NACC2: variants seen among roughly 807,000 people sequenced by gnomAD.
NACC2 encodes NACC family member 2.
A neutral mutation model predicts 25.1 loss-of-function variants in NACC2; 8 were observed. The ratio of observed to expected loss-of-function variants is 0.32; its 90% confidence interval spans 0.19 to 0.57. The LOEUF is 0.57. Ranked by LOEUF, NACC2 falls within the 20% of genes least tolerant of loss-of-function variation. The pLI, the probability that NACC2 is intolerant of heterozygous loss-of-function variation, is 0.89. For missense variants in NACC2, 644 were observed against 650.2 expected (o/e 0.99, Z 0.10); for synonymous variants, 435 against 294.7 (o/e 1.48, Z -4.88).
chr9:136,016,066 G>C (rs956570817), intron 3 of NACC2, among the ~76,000 whole-genome samples, 199 bp downstream of exon 3: 3 of 152,190 alleles, frequency 2.0e-5, no homozygotes, highest in Non-Finnish European at 4.4e-5. Context: ...CAGCCCAGGG[G>C]ATTCAATTAA....
At position 136,033,022 on chromosome 9, in the gene NACC2, A is replaced by C. The variant is rs144964330; in HGVS notation, c.887-16593T>G. 2.0e-4 allele frequency among the ~76,000 whole-genome samples: 31 copies of C among 152,064 alleles called. No homozygotes were observed. The East Asian group carries it at 6.0e-3, about 29-fold the overall frequency. On this transcript the variant is annotated intron_variant, in intron 2 of 5. Coordinates refer to ENST00000277554, the MANE Select transcript of NACC2 (RefSeq NM_144653.5). ...AACAGAGCAAGATTCCATCTCAAAAAAAAATAAGTTGGGCATGGTGGCACA... is the reference window on the plus strand; with the variant it reads ...AACAGAGCAAGATTCCATCTCAAAACAAAATAAGTTGGGCATGGTGGCACA...
rs1840131310 is a variant in NACC2, at chr9:136,012,717, G to C, written c.1255+482C>G. ...ACAAGATAGTGCTTCTTGGGCCGAG[G>C]GCCACAGGAGGCTGTGCTCTTGGCC... is the stretch of plus-strand genomic sequence containing the variant. On this transcript the variant is annotated intron_variant, in intron 5 of 5. Coordinates refer to ENST00000277554, the MANE Select transcript of NACC2 (RefSeq NM_144653.5). 4.0e-5 allele frequency among the ~76,000 whole-genome samples: 6 copies of C among 150,622 alleles called. No individual in the cohort carries two copies. The South Asian group carries it at 1.3e-3, about 32-fold the overall frequency.
chr9:136,093,649 C>T (rs1477769712), intron 1 of NACC2, among the ~76,000 whole-genome samples: 1 of 152,254 alleles, frequency 6.6e-6, no homozygotes, highest in Non-Finnish European at 1.5e-5. Context: ...TGGGTGGCAG[C>T]TCCTTTTATT....
intron 2 of NACC2, among the ~76,000 whole-genome samples, chr9:136,043,404 T>A (rs1375800844): frequency 6.6e-6 from 1 of 152,246 alleles, no homozygotes; most frequent in Non-Finnish European, 1.5e-5. Context: ...TACAATGGGA[T>A]GTCACTGATA....
rs1018763417 is a variant in NACC2 at position 136,086,447 on chromosome 9, G to A, written c.-60+8742C>T. On this transcript the variant is annotated intron_variant, in intron 1 of 5. Transcript: ENST00000277554. This position sits in a 1 kb window ranked among gnomAD's most constrained non-coding sequence, Gnocchi z 5.6. ...CTGGCTCTTGAGGTCCCAGGTCTGC[G>A]AGCGGCTGGGCTTCCCTGAGGTCTG... Among the ~76,000 whole-genome samples, 2 of 152,118 alleles carry A rather than the reference G, an allele frequency of 1.3e-5. No individual in the cohort carries two copies. The highest frequency in any genetic ancestry group is 1.5e-5 in the Non-Finnish European group (1 of 67,998).
chr9:136,071,940 T>C (rs1016815811), intron 1 of NACC2, among the ~76,000 whole-genome samples: 3 of 151,976 alleles, frequency 2.0e-5, no homozygotes, highest in Non-Finnish European at 4.4e-5. Flanking sequence ...TCACACCCCA[T>C]TCAAAATTAC....
Position 136,050,207 on chromosome 9 carries a change from G to A in NACC2, c.315C>T (p.Gly105=). 2.6e-6 allele frequency: 2 copies of A among 772,204 alleles called. No homozygotes were observed. The highest frequency in any genetic ancestry group is 2.4e-5 in the East Asian group (1 of 40,930). 47.8% of individuals were successfully genotyped at this position (772,204 alleles called of 1,614,324 possible). A position where few individuals can be genotyped will look rare whatever the true frequency, so the allele number is the denominator to read the frequency against. ...CCACGATGTGCTGGATCTGCAGGAA[G>A]CCGGCCGTGTACATGACCACGAGCT... The part of the protein sequence containing the change: ...SEQLVVMYTA[G]FLQIQHIVER... Residue 105 remains glycine (G), a synonymous_variant, in exon 2 of 6, where the codon GGC becomes GGT. Transcript: ENST00000277554.
rs139550655 is a variant in NACC2 at position 136,030,920 on chromosome 9, C to T, written c.887-14491G>A. On this transcript the variant is annotated intron_variant, in intron 2 of 5. Transcript: ENST00000277554. ...TCAAGTGATCTGCCCACCTCAGCCT[C>T]GCAGTGCTGGGATTACAGGAGTGAA... 7.1e-3 allele frequency among the ~76,000 whole-genome samples: 1,083 copies of T among 152,218 alleles called. 7 individuals are homozygous for T. The highest frequency in any genetic ancestry group is 0.02 in the Middle Eastern group (6 of 294).
At chr9:136,094,372 G>A (rs956689866) in intron 1 of NACC2, among the ~76,000 whole-genome samples, 11 of 152,178 alleles carry the variant, frequency 7.2e-5, no homozygotes, top group African/African-American at 2.7e-4. Context: ...CCCAGAGCCT[G>A]GCAGAGGGGC....
In NACC2 at chr9:136,022,091, T is replaced by G. The variant is rs956815161; in HGVS notation, c.887-5662A>C. Among the ~76,000 whole-genome samples the G allele has an allele frequency of 6.6e-6, 1 of 152,218 alleles. No homozygotes were observed. Among genetic ancestry groups the G allele is most frequent in the African/African-American group, 2.4e-5 (1 of 41,452 alleles). ...TGGATCTGGAGGCTGACCTGGCACA[T>G]GCCCTGCACTATCTCTGCAGCTGCC... On this transcript the variant is annotated intron_variant, in intron 2 of 5. Coordinates refer to ENST00000277554, the MANE Select transcript of NACC2 (RefSeq NM_144653.5). This position sits in a 1 kb window ranked among gnomAD's most constrained non-coding sequence, Gnocchi z 4.4.
At chr9:136,083,667 C>A (rs1449131816) in intron 1 of NACC2, among the ~76,000 whole-genome samples, 1 of 152,266 alleles carries the variant, frequency 6.6e-6, no homozygotes, top group East Asian at 1.9e-4. Flanking sequence ...GCTGGCACCA[C>A]GCTGCGGAGG....
At chr9:136,038,292 T>C (rs1034849423) in intron 2 of NACC2, among the ~76,000 whole-genome samples, 2 of 152,182 alleles carry the variant, frequency 1.3e-5, no homozygotes, top group Non-Finnish European at 2.9e-5. Context: ...TCCCAGCACC[T>C]TGGGAGGCCA....
intron 1 of NACC2, among the ~76,000 whole-genome samples, chr9:136,085,358 A>C (rs371313320): frequency 4.6e-5 from 7 of 151,000 alleles, no homozygotes; most frequent in Admixed American, 3.3e-4. Context: ...GTGCACAAAA[A>C]TTTTTTTTAA....
At chr9:136,012,073 C>A in intron 5 of NACC2, 49 bp from the exon 6 acceptor site, 1 of 1,465,066 alleles carries the variant, frequency 6.8e-7, no homozygotes. Context: ...GCCGGGAGGC[C>A]CGCCCCTCCC....
chr9:136,049,605 G>C (rs1274611091), intron 2 of NACC2, 31 bp downstream of exon 2: 1 of 760,496 alleles, frequency 1.3e-6, no homozygotes, highest in Non-Finnish European at 2.5e-6. Context: ...TTCCCAGCCA[G>C]GTGGTGTGGG....
intron 1 of NACC2, among the ~76,000 whole-genome samples, chr9:136,087,928 T>C (rs1830395627): frequency 6.6e-6 from 1 of 152,020 alleles, no homozygotes; most frequent in East Asian, 1.9e-4. Context: ...AGGCCCAGTT[T>C]CCCACCCCGG....
At chr9:136,017,268 G>A (rs935421068) in intron 2 of NACC2, among the ~76,000 whole-genome samples, 13 of 152,242 alleles carry the variant, frequency 8.5e-5, no homozygotes, top group Middle Eastern at 6.8e-3. Flanking sequence ...CGTCAGAGAC[G>A]GGCCCCTCGG....
At chr9:136,026,525 C>T (rs1481809746) in intron 2 of NACC2, among the ~76,000 whole-genome samples, 1 of 151,928 alleles carries the variant, frequency 6.6e-6, no homozygotes, top group Non-Finnish European at 1.5e-5. Flanking sequence ...CCAGACCGAC[C>T]AAGGACATGG....
rs759290503 is a variant in NACC2, at chr9:136,011,565, G to A, written c.1715C>T (p.Pro572Leu). The A allele has an allele frequency of 7.5e-5, 106 of 1,407,074 alleles. No individual in the cohort carries two copies. Among genetic ancestry groups the A allele is most frequent in the Non-Finnish European group, 9.4e-5 (102 of 1,086,462 alleles). 87.2% of individuals were successfully genotyped at this position (1,407,074 alleles called of 1,614,324 possible). The change falls in exon 6 of 6, where the codon CCG (proline) becomes CTG (leucine). Residue 572 changes from proline (P) to leucine (L), a missense_variant. By Grantham distance (98) the Pro-to-Leu change is moderately conservative (BLOSUM62 -3). Coordinates refer to ENST00000277554, the MANE Select transcript of NACC2 (RefSeq NM_144653.5). ...GGGGPSRPQT[P>L]AAAARRPEGT... ...CTCCGGCCTCCGGGCCGCGGCCGCC[G>A]GCGTCTGGGGCCTGCTGGGGCCGCC...
Sources: gnomAD v4.1 joint callset for allele counts (sites outside exome capture counted in the v4.1 genomes callset) on GRCh38, gnomAD v4.1.1 for gene constraint, Gnocchi (gnomAD v3.1) non-coding constraint, MANE v1.5 for transcripts, NCBI Gene and HGNC (gene_info 2026-07-23, HGNC 2026-07-21) for gene names.